The following ESRRB variants were observed in gnomAD, a reference collection of about 807,000 sequenced individuals.
ESRRB encodes estrogen related receptor beta.
ESRRB carries 16 observed loss-of-function variants against 46.0 expected under a neutral mutation model. The ratio of observed to expected loss-of-function variants is 0.35; its 90% CI spans 0.24 to 0.53. ESRRB has a LOEUF of 0.53. ESRRB is among the 20% of genes least tolerant of loss of function. The pLI, the probability that ESRRB is intolerant of heterozygous loss-of-function variation, is 0.93. For synonymous variants in ESRRB, 246 were observed against 259.6 expected, an observed-to-expected ratio of 0.95 and a Z score of 0.50; for missense variants, 488 against 607.4, an observed-to-expected ratio of 0.80 and a Z score of 2.07.
intron 1 of ESRRB, among the ~76,000 whole-genome samples, chr14:76,401,438 C>G (rs904077744): frequency 1.3e-5 from 2 of 152,202 alleles, no homozygotes; most frequent in Admixed American, 1.3e-4. Context: ...AACTTTAGTA[C>G]TGCAAGATAC....
chr14:76,402,790 T>G (rs539331898), intron 1 of ESRRB, among the ~76,000 whole-genome samples: 1 of 152,188 alleles, frequency 6.6e-6, no homozygotes, highest in South Asian at 2.1e-4. Flanking sequence ...TGCCTCAGCC[T>G]CCTAAGTAGC....
Position 76,439,617 on chromosome 14 carries a change from C to T in ESRRB, c.327C>T (p.Ala109=), listed in dbSNP as rs1228793287. The part of the protein sequence containing the change: ...DCASGIMEDS[A]IKCEYMLNAI... ...CCAGCGGCATCATGGAGGACTCGGC[C>T]ATCAAGTGCGAGTACATGCTCAACG... The change falls in exon 2 of 7, where the codon GCC becomes GCT. Residue 109 remains alanine, a synonymous_variant. Transcript: ENST00000644823. 1.9e-6 allele frequency: 3 copies of T among 1,614,120 alleles called. No homozygotes were observed. The highest frequency in any genetic ancestry group is 2.7e-5 in the African/African-American group (2 of 74,964).
At chr14:76,378,833 G>A (rs1884890036) in intron 1 of ESRRB, among the ~76,000 whole-genome samples, 1 of 152,152 alleles carries the variant, frequency 6.6e-6, no homozygotes, top group African/African-American at 2.4e-5. Context: ...TAACAGAGCA[G>A]GGGACTGGAT....
At chr14:76,439,229 G>A (rs1019990138) in intron 1 of ESRRB, 112 bp from the exon 2 acceptor site, 5 of 1,239,336 alleles carry the variant, frequency 4.0e-6, no homozygotes, top group East Asian at 4.7e-5. Context: ...TTGTTTTATC[G>A]CACCAAAGCC....
At chr14:76,358,414 A>G (rs991531701) in intron 1 of ESRRB, among the ~76,000 whole-genome samples, 1 of 146,010 alleles carries the variant, frequency 6.8e-6, no homozygotes, top group African/African-American at 2.5e-5. Context: ...AAAGAAAGAA[A>G]AGAAAAGAAA....
At chr14:76,393,268 C>A (rs776931950) in intron 1 of ESRRB, among the ~76,000 whole-genome samples, 3 of 152,128 alleles carry the variant, frequency 2.0e-5, no homozygotes, top group Non-Finnish European at 4.4e-5. Flanking sequence ...TCCCTAGAGA[C>A]CTATTGCCTG....
upstream of ESRRB, among the ~76,000 whole-genome samples, chr14:76,371,904 G>A (rs148294734): frequency 7.9e-3 from 1,206 of 152,292 alleles, 12 homozygotes; most frequent in Middle Eastern, 0.02. Flanking sequence ...CATATGGCAG[G>A]GAGGGGATTT....
intron 1 of ESRRB, among the ~76,000 whole-genome samples, chr14:76,435,654 AC>A (rs1359638868): frequency 2.6e-5 from 4 of 152,120 alleles, no homozygotes; most frequent in African/African-American, 7.2e-5. Flanking sequence ...ACAGGGTGAA[AC>A]CCCCATCTCT....
intron 1 of ESRRB, among the ~76,000 whole-genome samples, chr14:76,436,564 G>A (rs912895431): frequency 3.3e-5 from 5 of 152,190 alleles, no homozygotes; most frequent in African/African-American, 9.7e-5. Flanking sequence ...AGCAGGAGGG[G>A]ATTAAAAGTT....
intron 2 of ESRRB, among the ~76,000 whole-genome samples, chr14:76,461,769 C>G (rs985061795): frequency 2.6e-5 from 4 of 152,180 alleles, no homozygotes; most frequent in Non-Finnish European, 4.4e-5. Flanking sequence ...CCTCGGCTTC[C>G]CAAAGTGCTG....
chr14:76,454,402 T>G (rs988424724), intron 2 of ESRRB, among the ~76,000 whole-genome samples: 1 of 152,126 alleles, frequency 6.6e-6, no homozygotes, highest in Non-Finnish European at 1.5e-5. Flanking sequence ...CACCTGTGAT[T>G]ATGAAACACT....
chr14:76,457,295 C>T (rs1888653011), intron 2 of ESRRB, among the ~76,000 whole-genome samples: 1 of 152,074 alleles, frequency 6.6e-6, no homozygotes, highest in South Asian at 2.1e-4. Context: ...TCAAATATCA[C>T]AGTTGGTGGC....
chr14:76,388,896 G>C (rs1885352991), intron 1 of ESRRB, among the ~76,000 whole-genome samples: 4 of 152,066 alleles, frequency 2.6e-5, no homozygotes. Flanking sequence ...TTCTCCAACA[G>C]CTCCCAAGTC....
intron 1 of ESRRB, among the ~76,000 whole-genome samples, chr14:76,418,875 A>G (rs1479924615): frequency 7.3e-5 from 11 of 151,038 alleles, no homozygotes; most frequent in Admixed American, 2.6e-4. Flanking sequence ...CTTGGCCTCC[A>G]AACTAACTGC....
intron 5 of ESRRB, among the ~76,000 whole-genome samples, chr14:76,488,082 T>A (rs2140043247): frequency 6.6e-6 from 1 of 152,308 alleles, no homozygotes; most frequent in South Asian, 2.1e-4. Context: ...TCTATCCCTG[T>A]CCCCTCCCAT....
At chr14:76,426,994 GC>G (rs1222688411) in intron 1 of ESRRB, among the ~76,000 whole-genome samples, 1 of 152,230 alleles carries the variant, frequency 6.6e-6, no homozygotes, top group Non-Finnish European at 1.5e-5. Context: ...AGGGAATCAG[GC>G]CATGCTCGTT....
At chr14:76,386,602 G>A (rs548712289) in intron 1 of ESRRB, among the ~76,000 whole-genome samples, 2 of 151,760 alleles carry the variant, frequency 1.3e-5, no homozygotes, top group East Asian at 3.9e-4. Flanking sequence ...GACTACAGGT[G>A]TGTGCCACCA....
At chr14:76,343,418 G>C (rs148452239) in intron 1 of ESRRB, among the ~76,000 whole-genome samples, 8 of 152,380 alleles carry the variant, frequency 5.3e-5, no homozygotes, top group African/African-American at 1.9e-4. Flanking sequence ...CTCAAACTTA[G>C]TGTCTTAAAA....
chr14:76,465,001 G>A (rs1889045375), intron 3 of ESRRB, among the ~76,000 whole-genome samples: 1 of 152,120 alleles, frequency 6.6e-6, no homozygotes, highest in South Asian at 2.1e-4. Context: ...ATACAGAGCT[G>A]GATGTGAGAA....
Sources: allele counts gnomAD v4.1 joint callset (sites outside exome capture counted in the v4.1 genomes callset), GRCh38; gene constraint gnomAD v4.1.1; transcripts MANE v1.5; gene names NCBI Gene and HGNC (gene_info 2026-07-23, HGNC 2026-07-21).